Variants in CD163 observed in about 807,000 individuals in gnomAD.
CD163 encodes scavenger receptor cysteine-rich type 1 protein M130.
CD163 carries 64 observed loss-of-function variants against 129.2 expected under a neutral mutation model. The observed-to-expected ratio is 0.50, with a 90% CI of 0.41 to 0.61. CD163 has a LOEUF of 0.61. Among genes scored for constraint, CD163 ranks in the 20% least tolerant of loss-of-function variants. The probability of loss-of-function intolerance (pLI) is 0.00; values close to 1 mark genes in which losing one functional copy is unlikely to be tolerated. For missense variants in CD163, 1,061 were observed against 1,377.9 expected, an observed-to-expected ratio of 0.77 and a Z score of 3.64; for synonymous variants, 446 against 478.5, an observed-to-expected ratio of 0.93 and a Z score of 0.89.
chr12:7,486,451 A>G (rs1336610295), intron 10 of CD163, 48 bp downstream of exon 10: 2 of 1,527,564 alleles, frequency 1.3e-6, no homozygotes, highest in Admixed American at 3.5e-5. Flanking sequence ...ACCCTTCCTC[A>G]GTCCTTTCTC....
At chr12:7,494,495 T>G (rs1237900689) in intron 6 of CD163, among the ~76,000 whole-genome samples, 1 of 152,210 alleles carries the variant, frequency 6.6e-6, no homozygotes, top group Non-Finnish European at 1.5e-5. Context: ...TTGTACACTG[T>G]GTTTTCTAAA....
Position 7,495,243 on chromosome 12 carries a change from G to A in CD163, c.1258C>T (p.Leu420Phe). Residue 420 changes from leucine (L) to phenylalanine (F), a missense_variant, in exon 6 of 17, where the codon CTC becomes TTC. Leu to Phe is a conservative substitution (Grantham distance 22). Transcript: ENST00000432237. ...GAGTACACTTGATAAGATGTTTTGA[G>A]TGCAGATCCACATCCCAGCTGCCTG... is the stretch of plus-strand genomic sequence containing the variant. ...VCRQLGCGSALKTSYQVYSKI... is the reference protein window; with the variant it reads ...VCRQLGCGSAFKTSYQVYSKI... The A allele has an allele frequency of 6.2e-7, 1 of 1,614,058 alleles. No homozygotes were observed. The highest frequency in any genetic ancestry group is 8.5e-7 in the Non-Finnish European group (1 of 1,179,988).
intron 12 of CD163, 57 bp downstream of exon 12, chr12:7,483,310 C>A: frequency 6.5e-7 from 1 of 1,529,590 alleles, no homozygotes. Context: ...CACATCACTG[C>A]CCAACCCCTC....
rs192117834 is a variant in CD163, at chr12:7,472,947, A to G, written c.*32-1550T>C. On this transcript the variant is annotated intron_variant, in intron 16 of 16. Coordinates refer to ENST00000432237, the MANE Select transcript of CD163 (RefSeq NM_203416.4). ...AAGTATACACAAGTATCAATAGCCA[A>G]ATCGATCAAGTGGAAGAAAGGATAA... Among the ~76,000 whole-genome samples the G allele has an allele frequency of 6.6e-3, 1,012 of 152,346 alleles. 6 individuals carry two copies. The highest frequency in any genetic ancestry group is 0.011 in the Non-Finnish European group (741 of 68,026).
At chr12:7,497,821 G>C (rs887706413) in intron 4 of CD163, among the ~76,000 whole-genome samples, 1 of 152,050 alleles carries the variant, frequency 6.6e-6, no homozygotes, top group Non-Finnish European at 1.5e-5. Context: ...AATGTTGATG[G>C]GTAAAAGAGA....
At chr12:7,479,307 C>T (rs1355007426) in intron 16 of CD163, among the ~76,000 whole-genome samples, 1 of 152,102 alleles carries the variant, frequency 6.6e-6, no homozygotes, top group Admixed American at 6.6e-5. Context: ...ACCATAAATA[C>T]GTTCAATATA....
chr12:7,488,124 G>T, intron 6 of CD163, 37 bp from the exon 7 acceptor site: 2 of 1,518,752 alleles, frequency 1.3e-6, no homozygotes, highest in South Asian at 1.3e-5. Context: ...GAGGTAATAT[G>T]ATTTCCAGAT....
rs1044767928 is a variant in CD163, at chr12:7,487,766, G to T, written c.1735+7C>A. 6.2e-7 allele frequency: 1 copy of T among 1,613,864 alleles called. No individual in the cohort carries two copies. Among genetic ancestry groups the T allele is most frequent in the Non-Finnish European group, 8.5e-7 (1 of 1,180,008 alleles). ...AGAACCAATTAAAGATGTTTTCTGG[G>T]TCTTACTTGAGCAGACTACTCCAAC... On this transcript the variant is annotated splice_region_variant and intron_variant, in intron 7 of 16. Transcript: ENST00000432237. This position sits in a 1 kb window ranked among gnomAD's most constrained non-coding sequence, Gnocchi z 5.1.
At chr12:7,473,604 CA>C (rs1949038785) in intron 16 of CD163, among the ~76,000 whole-genome samples, 1 of 152,134 alleles carries the variant, frequency 6.6e-6, no homozygotes. Context: ...AAACTAGTAC[CA>C]GCCACTGCAA....
rs776148937 is a variant in CD163, at chr12:7,501,310, T to G, written c.286A>C (p.Thr96Pro). 4 of 1,614,056 alleles carry G rather than the reference T, an allele frequency of 2.5e-6. No individual in the cohort carries two copies. The highest frequency in any genetic ancestry group is 3.4e-6 in the Non-Finnish European group (4 of 1,180,014). ...SVICNQLGCPTAIKAPGWANS... is the reference protein window; with the variant it reads ...SVICNQLGCPPAIKAPGWANS... ...GCCCATCCAGGGGCTTTGATAGCAGTTGGACATCCCAGCTGGTTACAAATC... is the reference window on the plus strand; with the variant it reads ...GCCCATCCAGGGGCTTTGATAGCAGGTGGACATCCCAGCTGGTTACAAATC... The change falls in exon 3 of 17, where the codon ACT (threonine) becomes CCT (proline). Residue 96 changes from threonine (T) to proline (P), a missense_variant. Transcript: ENST00000432237.
Position 7,487,595 on chromosome 12 carries a change from C to G in CD163, c.1814G>C (p.Gly605Ala). The G allele has an allele frequency of 1.2e-6, 2 of 1,614,068 alleles. No individual in the cohort carries two copies. The highest frequency in any genetic ancestry group is 1.7e-6 in the Non-Finnish European group (2 of 1,179,994). The change falls in exon 8 of 17, where the codon GGA becomes GCA. Residue 605 changes from glycine to alanine, a missense_variant. By Grantham distance (60) the Gly-to-Ala change is moderately conservative. Coordinates refer to ENST00000432237, the MANE Select transcript of CD163 (RefSeq NM_203416.4). This position sits in a 1 kb window ranked among gnomAD's most constrained non-coding sequence, Gnocchi z 5.1. ...RVELKTLGAW[G>A]SLCNSHWDIE... ...GTCCCAGTGAGAGTTACAGAGGGAT[C>G]CCCAGGCACCAAGCGTTTTGAGCTC...
At chr12:7,502,102 C>G (rs940700760) in intron 2 of CD163, among the ~76,000 whole-genome samples, 5 of 152,154 alleles carry the variant, frequency 3.3e-5, no homozygotes, top group African/African-American at 1.2e-4. Context: ...TCCCACCAAC[C>G]TGGCATCTCT....
At chr12:7,474,815 C>T (rs746378739) in intron 16 of CD163, among the ~76,000 whole-genome samples, 2 of 151,554 alleles carry the variant, frequency 1.3e-5, no homozygotes, top group East Asian at 1.9e-4. Flanking sequence ...TAAACAGAAT[C>T]GACAGACCAC....
chr12:7,501,523 T>G (rs1565410493), intron 2 of CD163, 61 bp from the exon 3 acceptor site: 3 of 1,249,596 alleles, frequency 2.4e-6, no homozygotes, highest in Non-Finnish European at 3.5e-6. Context: ...AGAAAATTAT[T>G]TTTTTACATT....
At chr12:7,490,287 G>A (rs1162112784) in intron 6 of CD163, among the ~76,000 whole-genome samples, 2 of 151,896 alleles carry the variant, frequency 1.3e-5, no homozygotes, top group Admixed American at 6.6e-5. Flanking sequence ...AATGCATGGT[G>A]TCATTGAAGA....
At chr12:7,492,858 A>C (rs1949344456) in intron 6 of CD163, among the ~76,000 whole-genome samples, 1 of 152,180 alleles carries the variant, frequency 6.6e-6, no homozygotes, top group Non-Finnish European at 1.5e-5. Flanking sequence ...TCAGAAGATA[A>C]AATTGATACT....
At chr12:7,499,981 G>C (rs1305421733) in intron 3 of CD163, among the ~76,000 whole-genome samples, 1 of 152,136 alleles carries the variant, frequency 6.6e-6, no homozygotes, top group African/African-American at 2.4e-5. Flanking sequence ...CAGGATATTA[G>C]CTATGTGAAA....
intron 6 of CD163, among the ~76,000 whole-genome samples, chr12:7,493,086 T>G (rs915494212): frequency 1.2e-4 from 18 of 152,344 alleles, no homozygotes; most frequent in Admixed American, 1.2e-3. Flanking sequence ...CTTAGTAACC[T>G]TGGAAAGAAC....
chr12:7,484,033 G>A (rs1591998083), intron 11 of CD163, among the ~76,000 whole-genome samples: 4 of 150,496 alleles, frequency 2.7e-5, no homozygotes, highest in South Asian at 2.1e-4. Flanking sequence ...GTAGAGACGG[G>A]GTTTCACCAT....
Sources: allele counts gnomAD v4.1 joint callset (sites outside exome capture counted in the v4.1 genomes callset), GRCh38; gene constraint gnomAD v4.1.1; non-coding constraint Gnocchi (gnomAD v3.1); transcripts MANE v1.5; gene names NCBI Gene and HGNC (gene_info 2026-07-23, HGNC 2026-07-21).